The following POLE variants were observed in gnomAD, a reference collection of about 807,000 sequenced individuals.
POLE encodes DNA polymerase epsilon catalytic subunit A.
A neutral mutation model predicts 279.2 loss-of-function variants in POLE; 188 were observed. The observed-to-expected ratio is 0.67, with a 90% CI of 0.60 to 0.76. POLE has a LOEUF of 0.76. POLE is among the 30% of genes least tolerant of loss of function. The pLI, the probability that POLE is intolerant of heterozygous loss-of-function variation, is 0.00. For missense variants in POLE, 2,703 were observed against 3,016.7 expected (o/e 0.90, Z 2.44); for synonymous variants, 1,214 against 1,172.5 (o/e 1.04, Z -0.72).
intron 32 of POLE, 129 bp from the exon 33 acceptor site, chr12:132,644,106 C>T: frequency 2.7e-6 from 2 of 753,350 alleles, no homozygotes; most frequent in East Asian, 5.1e-5. Context: ...ACCCACCACG[C>T]CACAGTCCAC....
At position 132,675,017 on chromosome 12, in the gene POLE, T is replaced by A. The variant is rs1237316877; in HGVS notation, c.1226+381A>T. ...GCTCTGAGCTGCCTCCCACCCTAGC[T>A]CATATGGAATCTGTGGTTGTCCCGT... On this transcript the variant is annotated intron_variant, in intron 12 of 48. Coordinates refer to ENST00000320574, the MANE Select transcript of POLE (RefSeq NM_006231.4). The surrounding 1 kb of genome is among the most constrained non-coding windows in gnomAD (Gnocchi z 4.3). Among the ~76,000 whole-genome samples, 1 of 152,112 alleles carries A rather than the reference T, an allele frequency of 6.6e-6. No individual in the cohort carries two copies. Among genetic ancestry groups the A allele is most frequent in the Non-Finnish European group, 1.5e-5 (1 of 68,004 alleles).
In POLE at chr12:132,649,436, C is replaced by A; in HGVS notation, c.3875G>T (p.Arg1292Met). 6.2e-7 allele frequency: 1 copy of A among 1,612,946 alleles called. No individual in the cohort carries two copies. Among genetic ancestry groups the A allele is most frequent in the Non-Finnish European group, 8.5e-7 (1 of 1,180,026 alleles). ...QARQRLARRKRQRLESAEGVL... is the reference protein window; with the variant it reads ...QARQRLARRKMQRLESAEGVL... ...ACCCTCTGCCGACTCCAGACGCTGC[C>A]TCTTCCTGCGGGCGAGGCGCTGCCG... The change falls in exon 31 of 49, where the codon AGG becomes ATG. Residue 1292 changes from arginine to methionine, a missense_variant. Physicochemically the swap from Arg to Met is moderately conservative, Grantham distance 91. Coordinates refer to ENST00000320574, the MANE Select transcript of POLE (RefSeq NM_006231.4).
chr12:132,667,685 G>A (rs1278933868), intron 19 of POLE, 37 bp from the exon 20 acceptor site: 1 of 1,610,590 alleles, frequency 6.2e-7, no homozygotes, highest in Non-Finnish European at 8.5e-7. Context: ...AGGTGGGTGA[G>A]ATCTCCCAGA....
At chr12:132,665,516 G>A in intron 20 of POLE, 66 bp from the exon 21 acceptor site, 1 of 1,517,408 alleles carries the variant, frequency 6.6e-7, no homozygotes, top group Admixed American at 2.1e-5. Context: ...AAAGTCAATA[G>A]CCCAGGTTTT....
rs1467376291 is a variant in POLE at position 132,634,238 on chromosome 12, C to G, written c.5952G>C (p.Gln1984His). 2 of 1,614,194 alleles carry G rather than the reference C, an allele frequency of 1.2e-6. No individual in the cohort carries two copies. Among genetic ancestry groups the G allele is most frequent in the South Asian group, 1.1e-5 (1 of 91,086 alleles). The change falls in exon 43 of 49, where the codon CAG becomes CAC. Residue 1984 changes from glutamine (Q) to histidine (H), a missense_variant. Physicochemically the swap from Gln to His is conservative, Grantham distance 24. Transcript: ENST00000320574. The surrounding 1 kb of genome is among the most constrained non-coding windows in gnomAD (Gnocchi z 4.0). Reference protein sequence around the residue: ...DLLENNWNILQFLPQAASCQN... With the variant: ...DLLENNWNILHFLPQAASCQN... ...GGCAGGAGGCTGCCTGTGGCAAAAA[C>G]TGCAAAATGTTCCAGTTGTTTTCCA... is the stretch of plus-strand genomic sequence containing the variant.
At chr12:132,683,740 A>C (rs1392153980) in intron 1 of POLE, among the ~76,000 whole-genome samples, 1 of 152,254 alleles carries the variant, frequency 6.6e-6, no homozygotes, top group Non-Finnish European at 1.5e-5. Context: ...CCAGTCCTCC[A>C]AATATCCTTG....
intron 15 of POLE, 25 bp from the exon 16 acceptor site, chr12:132,672,347 G>C (rs1312925183): frequency 6.3e-7 from 1 of 1,578,630 alleles, no homozygotes; most frequent in Non-Finnish European, 8.7e-7. Context: ...AGACGACGGG[G>C]TCAGAGGGGA....
chr12:132,660,871 G>A (rs981454294), intron 25 of POLE, 98 bp downstream of exon 25: 5 of 939,598 alleles, frequency 5.3e-6, no homozygotes, highest in African/African-American at 1.6e-5. Context: ...TGTGTTCTTC[G>A]GTCACCTTGG....
rs770966534 is a variant in POLE, at chr12:132,649,431, G to A, written c.3880C>T (p.Arg1294Cys). The change falls in exon 31 of 49, where the codon CGT (arginine) becomes TGT (cysteine). Residue 1294 changes from arginine (R) to cysteine (C), a missense_variant. Coordinates refer to ENST00000320574, the MANE Select transcript of POLE (RefSeq NM_006231.4). The part of the protein sequence containing the change: ...RQRLARRKRQ[R>C]LESAEGVLRP... ...AGCACACCCTCTGCCGACTCCAGAC[G>A]CTGCCTCTTCCTGCGGGCGAGGCGC... The A allele has an allele frequency of 1.7e-5, 28 of 1,612,710 alleles. No homozygotes were observed. Among genetic ancestry groups the A allele is most frequent in the Non-Finnish European group, 2.3e-5 (27 of 1,180,012 alleles).
intron 45 of POLE, among the ~76,000 whole-genome samples, chr12:132,627,317 G>A (rs1049640050): frequency 4.7e-5 from 7 of 149,864 alleles, no homozygotes; most frequent in African/African-American, 1.5e-4. Context: ...TTTTTATTTT[G>A]GGACAGGATT....
At position 132,675,554 on chromosome 12, in the gene POLE, G is replaced by A; in HGVS notation, c.1107-37C>T. The A allele has an allele frequency of 6.2e-7, 1 of 1,612,586 alleles. No individual in the cohort carries two copies. The highest frequency in any genetic ancestry group is 8.5e-7 in the Non-Finnish European group (1 of 1,179,398). ...AGAGGACAGACAAGCAAGTGGGCAG[G>A]TCAGGCTCTAATGCCCCTTTCTCCA... is the stretch of plus-strand genomic sequence containing the variant. On this transcript the variant is annotated intron_variant, in intron 11 of 48. Coordinates refer to ENST00000320574, the MANE Select transcript of POLE (RefSeq NM_006231.4). The surrounding 1 kb of genome is among the most constrained non-coding windows in gnomAD (Gnocchi z 4.3).
At chr12:132,670,616 G>A (rs372997432) in intron 16 of POLE, among the ~76,000 whole-genome samples, 117 of 149,702 alleles carry the variant, frequency 7.8e-4, no homozygotes, top group Middle Eastern at 3.6e-3. Flanking sequence ...TCAGCCTCCC[G>A]AGTAGCTGGG....
chr12:132,657,793 C>T, intron 27 of POLE, 75 bp downstream of exon 27: 1 of 1,020,856 alleles, frequency 9.8e-7, no homozygotes, highest in Non-Finnish European at 1.5e-6. Context: ...AAAACATAAT[C>T]CAACTCAGAC....
intron 39 of POLE, chr12:132,640,910 C>T (rs1185088227): frequency 6.7e-6 from 3 of 448,566 alleles, no homozygotes; most frequent in Non-Finnish European, 1.4e-5. Flanking sequence ...CTCTCCCTGC[C>T]TCATTTCCCA....
chr12:132,685,621 G>A (rs1353490019), intron 1 of POLE, among the ~76,000 whole-genome samples: 2 of 152,256 alleles, frequency 1.3e-5, no homozygotes, highest in African/African-American at 4.8e-5. Context: ...TGAGCTTGGG[G>A]CAGGGCAGTG....
At chr12:132,642,059 C>G in intron 38 of POLE, 118 bp downstream of exon 38, 4 of 1,041,134 alleles carry the variant, frequency 3.8e-6, no homozygotes, top group Non-Finnish European at 4.3e-6. Context: ...GCAGCCTCAG[C>G]TCTGACCTGC....
intron 29 of POLE, among the ~76,000 whole-genome samples, chr12:132,655,956 A>G (rs563267756): frequency 1.3e-5 from 2 of 152,142 alleles, no homozygotes; most frequent in Non-Finnish European, 2.9e-5. Flanking sequence ...TGAGGTCAGG[A>G]GTTTGAGACC....
At position 132,648,932 on chromosome 12, in the gene POLE, G is replaced by C. The variant is rs763595360; in HGVS notation, c.4146C>G (p.Arg1382=). Residue 1382 remains arginine, a synonymous_variant, in exon 32 of 49, where the codon CGC becomes CGG. Transcript: ENST00000320574. The part of the protein sequence containing the change: ...VAKAEEGASY[R]KVNRVLPRSN... Reference sequence around the variant, plus strand: ...GGCAGCACCAGCTCCTCCCTACCTTGCGATACGAAGCACCCTCCTCCGCTT... The same window carrying C: ...GGCAGCACCAGCTCCTCCCTACCTTCCGATACGAAGCACCCTCCTCCGCTT... The C allele has an allele frequency of 1.9e-6, 3 of 1,611,668 alleles. No individual in the cohort carries two copies. In the South Asian group the frequency reaches 3.3e-5, roughly 18 times the overall value.
rs1363899204 is a variant in POLE, at chr12:132,682,280, C to T, written c.63-1001G>A. On this transcript the variant is annotated intron_variant, in intron 1 of 48. Transcript: ENST00000320574. ...CCACACTCCAGCCTGGGCAGCAGAG[C>T]GAGACTCCGGCAAAAAAAAAAAAAT... 4.4e-5 allele frequency among the ~76,000 whole-genome samples: 6 copies of T among 137,466 alleles called. No individual in the cohort carries two copies. The East Asian group carries it at 6.2e-4, about 14-fold the overall frequency. 90.2% of individuals were successfully genotyped at this position (137,466 alleles called of 152,430 possible).
Sources: allele counts gnomAD v4.1 joint callset (sites outside exome capture counted in the v4.1 genomes callset), GRCh38; gene constraint gnomAD v4.1.1; non-coding constraint Gnocchi (gnomAD v3.1); transcripts MANE v1.5; gene names NCBI Gene and HGNC (gene_info 2026-07-23, HGNC 2026-07-21).